The following TGFA variants were observed in gnomAD, a reference collection of about 807,000 sequenced individuals.
TGFA encodes protransforming growth factor alpha.
A neutral mutation model predicts 21.7 loss-of-function variants in TGFA; 12 were observed. The ratio of observed to expected loss-of-function variants is 0.55; its 90% CI spans 0.35 to 0.90. The LOEUF (loss-of-function observed/expected upper bound fraction) is 0.90, where lower values mean the gene tolerates loss of function less well. TGFA is among the 40% of genes least tolerant of loss of function. The pLI is 0.01. For missense variants in TGFA, 178 were observed against 210.8 expected, an observed-to-expected ratio of 0.84 and a Z score of 0.96; for synonymous variants, 79 against 88.1, an observed-to-expected ratio of 0.90 and a Z score of 0.58.
intron 2 of TGFA, among the ~76,000 whole-genome samples, chr2:70,472,616 C>A (rs1670789951): frequency 6.6e-6 from 1 of 152,176 alleles, no homozygotes; most frequent in Non-Finnish European, 1.5e-5. Context: ...GGGAGACAGC[C>A]ATCTGGACAG....
chr2:70,541,758 C>T (rs1284323291), intron 1 of TGFA, among the ~76,000 whole-genome samples: 3 of 152,162 alleles, frequency 2.0e-5, no homozygotes, highest in African/African-American at 7.2e-5. Flanking sequence ...GATTCTCCAT[C>T]TGTGTGATCT....
At chr2:70,529,120 AG>A (rs1672732921) in intron 1 of TGFA, among the ~76,000 whole-genome samples, 2 of 152,228 alleles carry the variant, frequency 1.3e-5, no homozygotes, top group Admixed American at 1.3e-4. Context: ...CTTGGGACCA[AG>A]TCAGGTGTGT....
At chr2:70,539,541 G>A (rs1403952016) in intron 1 of TGFA, among the ~76,000 whole-genome samples, 1 of 152,110 alleles carries the variant, frequency 6.6e-6, no homozygotes, top group African/African-American at 2.4e-5. Flanking sequence ...TGCAACCTCC[G>A]CCTCCTAGGT....
At chr2:70,500,623 C>T (rs1171343817) in intron 2 of TGFA, among the ~76,000 whole-genome samples, 1 of 152,104 alleles carries the variant, frequency 6.6e-6, no homozygotes, top group African/African-American at 2.4e-5. Flanking sequence ...GAAACGTGAC[C>T]AGTAGGGAGG....
At chr2:70,503,585 A>T (rs148788512) in intron 2 of TGFA, among the ~76,000 whole-genome samples, 1,587 of 151,554 alleles carry the variant, frequency 0.01, 30 homozygotes, top group African/African-American at 0.032. Flanking sequence ...ATAATAATAA[A>T]AAAAAAAAAA....
At chr2:70,552,262 C>G (rs1673535215) in intron 1 of TGFA, among the ~76,000 whole-genome samples, 1 of 152,182 alleles carries the variant, frequency 6.6e-6, no homozygotes, top group African/African-American at 2.4e-5. Flanking sequence ...GGTGTGAAAA[C>G]TGCATGAATA....
chr2:70,483,398 A>G (rs1671180239), intron 2 of TGFA, among the ~76,000 whole-genome samples: 1 of 152,196 alleles, frequency 6.6e-6, no homozygotes, highest in Admixed American at 6.5e-5. Context: ...TTTCTTAAAA[A>G]TCACCAACAG....
intron 1 of TGFA, among the ~76,000 whole-genome samples, chr2:70,521,390 C>T (rs777877364): frequency 2.0e-5 from 3 of 152,152 alleles, no homozygotes; most frequent in Non-Finnish European, 4.4e-5. Context: ...GTTCATGCTA[C>T]TAGGATCCTC....
chr2:70,504,827 G>C (rs1399134959), intron 2 of TGFA, among the ~76,000 whole-genome samples: 1 of 152,096 alleles, frequency 6.6e-6, no homozygotes, highest in African/African-American at 2.4e-5. Context: ...ATGTGTATCT[G>C]TGTGTGTGTA....
chr2:70,549,100 G>A (rs1281261451), intron 1 of TGFA, among the ~76,000 whole-genome samples: 1 of 152,192 alleles, frequency 6.6e-6, no homozygotes, highest in African/African-American at 2.4e-5. Context: ...ACAACGGTCA[G>A]CTTTTGGTAA....
At chr2:70,478,271 G>T (rs555286960) in intron 2 of TGFA, among the ~76,000 whole-genome samples, 1 of 152,144 alleles carries the variant, frequency 6.6e-6, no homozygotes, top group East Asian at 1.9e-4. Context: ...AAATGGTGCC[G>T]CCACAATTGA....
chr2:70,455,889 T>C (rs1337014879), intron 4 of TGFA, among the ~76,000 whole-genome samples: 2 of 152,198 alleles, frequency 1.3e-5, no homozygotes, highest in Non-Finnish European at 2.9e-5. Context: ...GGAAGGGCTG[T>C]GCAGAATGAT....
intron 5 of TGFA, among the ~76,000 whole-genome samples, 171 bp downstream of exon 5, chr2:70,453,033 GTAAGGGGTCCCTAC>G (rs1308418586): frequency 6.6e-6 from 1 of 152,176 alleles, no homozygotes; most frequent in Non-Finnish European, 1.5e-5. Flanking sequence ...CAGCCAGGAT[GTAAGGGGTCCCTAC>G]TAAGTAAAAG....
At position 70,524,070 on chromosome 2, in the gene TGFA, G is replaced by C. The variant is rs187952357; in HGVS notation, c.41-9158C>G. Reference sequence around the variant, plus strand: ...CTTTTGTTTCTAAGGCCCGGCCACTGTGATGCAACAACTCACACTGCCACA... The same window carrying C: ...CTTTTGTTTCTAAGGCCCGGCCACTCTGATGCAACAACTCACACTGCCACA... On this transcript the variant is annotated intron_variant, in intron 1 of 5. Transcript: ENST00000295400. 1.3e-4 allele frequency among the ~76,000 whole-genome samples: 20 copies of C among 152,292 alleles called. No homozygotes were observed. In the East Asian group the frequency reaches 3.1e-3, roughly 24 times the overall value.
chr2:70,469,132 A>G (rs1243854553), intron 2 of TGFA, among the ~76,000 whole-genome samples: 1 of 152,102 alleles, frequency 6.6e-6, no homozygotes, highest in Non-Finnish European at 1.5e-5. Context: ...TCCAAGTGTG[A>G]TCTGCAGACA....
chr2:70,517,084 TC>T (rs1672304544), intron 1 of TGFA, among the ~76,000 whole-genome samples: 2 of 152,160 alleles, frequency 1.3e-5, no homozygotes, highest in African/African-American at 4.8e-5. Context: ...GGGGGCCTGC[TC>T]CCCAGCCTTG....
chr2:70,485,021 C>T (rs1671227805), intron 2 of TGFA, among the ~76,000 whole-genome samples: 2 of 152,232 alleles, frequency 1.3e-5, no homozygotes, highest in Non-Finnish European at 2.9e-5. Flanking sequence ...TGATTCGCTT[C>T]AGTTTTCCAA....
chr2:70,464,852 G>A (rs1329398228), intron 3 of TGFA, among the ~76,000 whole-genome samples: 1 of 152,190 alleles, frequency 6.6e-6, no homozygotes. Flanking sequence ...CCCTGAGCAT[G>A]TGAGGCCTGG....
At position 70,547,334 on chromosome 2, in the gene TGFA, C is replaced by G. The variant is rs554218520; in HGVS notation, c.40+6394G>C. Among the ~76,000 whole-genome samples the G allele has an allele frequency of 1.9e-3, 295 of 152,142 alleles. 1 individual carries two copies. Among genetic ancestry groups the G allele is most frequent in the African/African-American group, 6.9e-3 (285 of 41,514 alleles). On this transcript the variant is annotated intron_variant, in intron 1 of 5. Transcript: ENST00000295400. ...TGTTGGCTGGGCACGGTGGCTCATG[C>G]CTGTAATCCAGCACTTTGGGAGGCC...
Sources: gnomAD v4.1 joint callset for allele counts (sites outside exome capture counted in the v4.1 genomes callset) on GRCh38, gnomAD v4.1.1 for gene constraint, MANE v1.5 for transcripts, NCBI Gene and HGNC (gene_info 2026-07-23, HGNC 2026-07-21) for gene names.